EML2: variants seen among roughly 807,000 people sequenced by gnomAD.
EML2 encodes EMAP like 2.
A neutral mutation model predicts 84.7 loss-of-function variants in EML2; 59 were observed. That is an observed-to-expected ratio of 0.70 (90% CI 0.56 to 0.86). The LOEUF (loss-of-function observed/expected upper bound fraction) is 0.86. Among genes scored for constraint, EML2 ranks in the 40% least tolerant of loss-of-function variants. The probability of loss-of-function intolerance (pLI) is 0.00; values close to 1 mark genes in which losing one functional copy is unlikely to be tolerated. For synonymous variants in EML2, 352 were observed against 348.9 expected, an observed-to-expected ratio of 1.01 and a Z score of -0.10; for missense variants, 818 against 855.6, an observed-to-expected ratio of 0.96 and a Z score of 0.55.
chr19:45,637,295 A>G (rs1321033109), intron 3 of EML2, among the ~76,000 whole-genome samples: 1 of 152,108 alleles, frequency 6.6e-6, no homozygotes, highest in Admixed American at 6.6e-5. Context: ...CAGAATCAGG[A>G]TTGTTGTCTC....
At chr19:45,638,798 C>A in intron 2 of EML2, 47 bp downstream of exon 2, 2 of 1,609,442 alleles carry the variant, frequency 1.2e-6, no homozygotes, top group Non-Finnish European at 1.7e-6. Flanking sequence ...AGCCTGTCAC[C>A]CCAACAAGCA....
chr19:45,614,103 G>C (rs1166837903), intron 17 of EML2, among the ~76,000 whole-genome samples: 1 of 152,106 alleles, frequency 6.6e-6, no homozygotes, highest in Non-Finnish European at 1.5e-5. Context: ...CATCCTCCAG[G>C]TCCTAGCTCA....
chr19:45,626,627 G>T, intron 8 of EML2, 78 bp downstream of exon 8: 1 of 1,501,502 alleles, frequency 6.7e-7, no homozygotes, highest in Non-Finnish European at 9.0e-7. Context: ...CCACCCTCTG[G>T]GGGATCTTGC....
upstream of EML2, chr19:45,641,719 C>A (rs768886103): frequency 6.5e-7 from 1 of 1,536,054 alleles, no homozygotes; most frequent in Non-Finnish European, 8.7e-7. Flanking sequence ...CGAGGCGAGG[C>A]GCTCTGGTGA....
intron 3 of EML2, among the ~76,000 whole-genome samples, chr19:45,636,496 C>T (rs747338397): frequency 2.0e-5 from 3 of 152,150 alleles, no homozygotes; most frequent in Non-Finnish European, 4.4e-5. Context: ...GCTGGGTCAG[C>T]CCTGTCCCTG....
At chr19:45,626,981 G>C (rs1972429183) in intron 7 of EML2, 142 bp from the exon 8 acceptor site, 1 of 706,942 alleles carries the variant, frequency 1.4e-6, no homozygotes, top group Non-Finnish European at 2.1e-6. Flanking sequence ...TTTTTTCAGG[G>C]CAGAGTCTCA....
chr19:45,639,529 G>C, upstream of EML2: 2 of 698,922 alleles, frequency 2.9e-6, no homozygotes, highest in African/African-American at 1.8e-5. Context: ...CACATCCCGG[G>C]CTGTGGACTC....
upstream of EML2, chr19:45,641,525 T>C (rs968622532): frequency 2.9e-6 from 3 of 1,046,828 alleles, no homozygotes; most frequent in African/African-American, 3.2e-5. Flanking sequence ...CCGTCCCCGC[T>C]TTTGAACTAG....
In EML2 at chr19:45,626,773, C is replaced by T. The variant is rs765849988; in HGVS notation, c.673G>A (p.Gly225Arg). 1.4e-5 allele frequency: 23 copies of T among 1,613,726 alleles called. No homozygotes were observed. Among genetic ancestry groups the T allele is most frequent in the South Asian group, 6.6e-5 (6 of 91,056 alleles). Residue 225 changes from glycine to arginine, a missense_variant, in exon 8 of 19, where the codon GGG becomes AGG. Coordinates refer to ENST00000245925, the MANE Select transcript of EML2 (RefSeq NM_012155.4). ...GTCCAGAAGTAGATGTGAGATTTCC[C>T]GCAGGTGATAAGCACAGTGGGGTCC... The part of the protein sequence containing the change: ...PTDPTVLITC[G>R]KSHIYFWTLE...
intron 14 of EML2, 98 bp downstream of exon 14, chr19:45,616,667 T>C: frequency 7.2e-7 from 1 of 1,394,228 alleles, no homozygotes; most frequent in East Asian, 2.4e-5. Flanking sequence ...GCATCCCTCC[T>C]AGGCCTCGCT....
chr19:45,612,446 G>C (rs1018498460), intron 18 of EML2, among the ~76,000 whole-genome samples: 1 of 152,216 alleles, frequency 6.6e-6, no homozygotes, highest in Non-Finnish European at 1.5e-5. Context: ...GGAAACTAAG[G>C]TGGAGAGGAT....
chr19:45,636,767 C>T (rs1232761481), intron 3 of EML2, among the ~76,000 whole-genome samples: 3 of 152,154 alleles, frequency 2.0e-5, no homozygotes, highest in Admixed American at 6.6e-5. Flanking sequence ...GCCAACATGG[C>T]GAAACCCTGT....
intron 7 of EML2, among the ~76,000 whole-genome samples, chr19:45,628,120 C>T (rs375714162): frequency 6.7e-6 from 1 of 150,352 alleles, no homozygotes; most frequent in Non-Finnish European, 1.5e-5. Flanking sequence ...ACCTGTAATC[C>T]CAGCACTTTG....
upstream of EML2, chr19:45,642,288 C>T (rs749409371): frequency 4.6e-6 from 7 of 1,535,946 alleles, no homozygotes; most frequent in Non-Finnish European, 2.6e-6. Flanking sequence ...GTAACTGCAG[C>T]CGCTGCTCCA....
chr19:45,640,857 A>G (rs1974396809), upstream of EML2: 2 of 152,302 alleles, frequency 1.3e-5, no homozygotes, highest in Admixed American at 1.3e-4. Context: ...GACTCTGTCC[A>G]GATCTTCAGT....
chr19:45,632,496 T>C (rs61024658), intron 6 of EML2: 2 of 179,784 alleles, frequency 1.1e-5, no homozygotes, highest in South Asian at 2.3e-4. Context: ...GATTTTTTTT[T>C]AAAAAAAAGC....
intron 3 of EML2, among the ~76,000 whole-genome samples, chr19:45,636,250 A>C (rs1321476819): frequency 1.3e-5 from 2 of 152,202 alleles, no homozygotes; most frequent in Admixed American, 1.3e-4. Context: ...CTGGGATTAC[A>C]GGCATGAGCC....
chr19:45,645,504 C>A, upstream of EML2: 1 of 1,365,306 alleles, frequency 7.3e-7, no homozygotes, highest in Non-Finnish European at 9.5e-7. Context: ...TGGGGTCATC[C>A]CCAGGATGCC....
chr19:45,634,396 G>A lies in EML2; in HGVS notation c.255C>T (p.Ala85=). 3.1e-6 allele frequency: 5 copies of A among 1,614,100 alleles called. No individual in the cohort carries two copies. Among genetic ancestry groups the A allele is most frequent in the Non-Finnish European group, 4.2e-6 (5 of 1,180,006 alleles). ...LPTGEIVYFV[A]SVAVLYSVEE... ...CCACGCTGTATAGCACGGCTACGGAGGCCACAAAGTACACTATCTCCCCGG... is the reference window on the plus strand; with the variant it reads ...CCACGCTGTATAGCACGGCTACGGAAGCCACAAAGTACACTATCTCCCCGG... The change falls in exon 4 of 19, where the codon GCC becomes GCT. Residue 85 remains alanine (A), a synonymous_variant. Coordinates refer to ENST00000245925, the MANE Select transcript of EML2 (RefSeq NM_012155.4).
Sources: allele counts gnomAD v4.1 joint callset (sites outside exome capture counted in the v4.1 genomes callset), GRCh38; gene constraint gnomAD v4.1.1; transcripts MANE v1.5; gene names NCBI Gene and HGNC (gene_info 2026-07-23, HGNC 2026-07-21).